The following PGF variants were observed in gnomAD, a reference collection of about 807,000 sequenced individuals.
The protein encoded by PGF is placenta growth factor.
In PGF, 11 loss-of-function variants were observed where a neutral mutation model predicts 25.3. That is an observed-to-expected ratio of 0.43 (90% CI 0.27 to 0.72). The LOEUF is 0.72. Among genes scored for constraint, PGF ranks in the 30% least tolerant of loss-of-function variants. PGF has a pLI of 0.18. For synonymous variants in PGF, 105 were observed against 97.9 expected (o/e 1.07, Z -0.43); for missense variants, 230 against 234.9 (o/e 0.98, Z 0.14).
At chr14:74,954,884 T>G (rs907102947) in intron 1 of PGF, among the ~76,000 whole-genome samples, 1 of 151,964 alleles carries the variant, frequency 6.6e-6, no homozygotes, top group Non-Finnish European at 1.5e-5. Flanking sequence ...GGACAGATGC[T>G]TTTAGCAAAG....
chr14:74,942,828 C>T, intron 6 of PGF, 95 bp from the exon 7 acceptor site: 1 of 1,231,338 alleles, frequency 8.1e-7, no homozygotes, highest in Non-Finnish European at 1.1e-6. Context: ...AGAGGAGGAG[C>T]TTGGGCAGGG....
rs775154085 is a variant in PGF at position 74,942,743 on chromosome 14, A to T, written c.486-10T>A. On this transcript the variant is annotated splice_polypyrimidine_tract_variant and intron_variant, in intron 6 of 6. Coordinates refer to ENST00000555567, the MANE Select transcript of PGF (RefSeq NM_002632.6). The stretch of plus-strand genomic sequence containing the variant: ...AACAGCATCGCCGCACCTGCCAGAG[A>T]CCAAGCACAGACGGGGCGGGTATCA... 6.2e-7 allele frequency: 1 copy of T among 1,608,628 alleles called. No homozygotes were observed. Among genetic ancestry groups the T allele is most frequent in the Admixed American group, 1.7e-5 (1 of 58,884 alleles).
In PGF at chr14:74,953,292, C is replaced by G. The variant is rs914342576; in HGVS notation, c.118+612G>C. Among the ~76,000 whole-genome samples, 2 of 152,168 alleles carry G rather than the reference C, an allele frequency of 1.3e-5. No homozygotes were observed. Among genetic ancestry groups the G allele is most frequent in the African/African-American group, 4.8e-5 (2 of 41,436 alleles). ...TCTTGGAGAGGCAGGGAGGGAGGAGCGAGGTAGGGGGCCTGGCATGGGCCT... is the reference window on the plus strand; with the variant it reads ...TCTTGGAGAGGCAGGGAGGGAGGAGGGAGGTAGGGGGCCTGGCATGGGCCT... On this transcript the variant is annotated intron_variant, in intron 2 of 6. Coordinates refer to ENST00000555567, the MANE Select transcript of PGF (RefSeq NM_002632.6). The surrounding 1 kb of genome is among the most constrained non-coding windows in gnomAD (Gnocchi z 5.4).
chr14:74,949,022 C>T (rs1888809192), intron 3 of PGF, among the ~76,000 whole-genome samples: 1 of 152,188 alleles, frequency 6.6e-6, no homozygotes, highest in South Asian at 2.1e-4. Flanking sequence ...TAAACCACTG[C>T]GTGTGTGACA....
At chr14:74,942,831 G>C (rs1188360823) in intron 6 of PGF, 98 bp from the exon 7 acceptor site, 7 of 1,192,848 alleles carry the variant, frequency 5.9e-6, no homozygotes, top group Non-Finnish European at 8.2e-6. Context: ...GGAGGAGCTT[G>C]GGCAGGGAGC....
intron 2 of PGF, among the ~76,000 whole-genome samples, chr14:74,952,744 C>T (rs1888900689): frequency 6.6e-6 from 1 of 152,184 alleles, no homozygotes; most frequent in Admixed American, 6.5e-5. Context: ...CACTTCCAGG[C>T]CTCCCCACCT....
chr14:74,954,002 T>C (rs1888928974), intron 1 of PGF, 56 bp from the exon 2 acceptor site: 12 of 1,575,522 alleles, frequency 7.6e-6, no homozygotes, highest in Middle Eastern at 1.7e-4. Flanking sequence ...TCTGCACTCT[T>C]GGGCCAAGTG....
intron 6 of PGF, among the ~76,000 whole-genome samples, chr14:74,943,946 A>G (rs919252496): frequency 5.3e-5 from 8 of 152,188 alleles, no homozygotes; most frequent in Admixed American, 5.2e-4. Flanking sequence ...AAGGTAATCA[A>G]TAAAAGACTT....
intron 6 of PGF, 193 bp downstream of exon 6, chr14:74,946,020 C>G: frequency 1.7e-6 from 1 of 593,862 alleles, no homozygotes. Flanking sequence ...AAACCTAGGG[C>G]TAAGCCGGGA....
At chr14:74,949,585 A>G (rs1398313929) in intron 2 of PGF, 32 bp from the exon 3 acceptor site, 2 of 1,482,936 alleles carry the variant, frequency 1.3e-6, no homozygotes, top group South Asian at 2.7e-5. Context: ...GGGTCAGGCC[A>G]GCAGAGACCT....
intron 4 of PGF, 76 bp from the exon 5 acceptor site, chr14:74,946,484 G>T (rs1888739315): frequency 1.4e-6 from 2 of 1,439,768 alleles, no homozygotes; most frequent in African/African-American, 1.4e-5. Context: ...GCCCGGACAG[G>T]TCCCCTCCGA....
intron 6 of PGF, chr14:74,944,839 A>G (rs1888690685): frequency 6.6e-6 from 1 of 150,890 alleles, no homozygotes; most frequent in Non-Finnish European, 1.5e-5. Flanking sequence ...TGAGGTACTG[A>G]GCCTGGCTTG....
chr14:74,944,745 A>G (rs4903271), intron 6 of PGF: 149,678 of 151,926 alleles, frequency 0.99, 73,737 homozygotes, highest in East Asian at 1. Flanking sequence ...ACGAGGTTTC[A>G]CCATGTTGCC....
chr14:74,952,715 A>G (rs1771417473), intron 2 of PGF, among the ~76,000 whole-genome samples: 1 of 151,734 alleles, frequency 6.6e-6, no homozygotes, highest in African/African-American at 2.4e-5. Context: ...GTGACAGGAG[A>G]GCTGACCTAA....
Position 74,955,118 on chromosome 14 carries a change from G to A in PGF, c.75+50C>T, listed in dbSNP as rs187938882. ...GATTTCAGAGTCCCATGCTTCCAGT[G>A]CTGGGATGGGGAGGTCTGGGGAGCC... On this transcript the variant is annotated intron_variant, in intron 1 of 6. Transcript: ENST00000555567. The surrounding 1 kb of genome is among the most constrained non-coding windows in gnomAD (Gnocchi z 4.1). 173 of 1,066,272 alleles carry A rather than the reference G, an allele frequency of 1.6e-4. No homozygotes were observed. In the East Asian group the frequency reaches 5.4e-3, roughly 33 times the overall value. 66.1% of individuals were successfully genotyped at this position (1,066,272 alleles called of 1,614,324 possible). A position where few individuals can be genotyped will look rare whatever the true frequency, so the allele number is the denominator to read the frequency against.
At chr14:74,949,304 G>T in intron 3 of PGF, 53 bp downstream of exon 3, 1 of 1,370,100 alleles carries the variant, frequency 7.3e-7, no homozygotes. Flanking sequence ...TCCCTCTCCA[G>T]GTACCTTCTA....
In PGF at chr14:74,949,379, T is replaced by C. The variant is rs146963622; in HGVS notation, c.293A>G (p.Glu98Gly). Residue 98 changes from glutamate to glycine, a missense_variant, in exon 3 of 7, where the codon GAG (glutamate) becomes GGG (glycine). Coordinates refer to ENST00000555567, the MANE Select transcript of PGF (RefSeq NM_002632.6). ...GDENLHCVPV[E>G]TANVTMQLLK... Reference sequence around the variant, plus strand: ...TACCTGCATGGTGACATTGGCCGTCTCCACCGGCACACAGTGCAGATTCTC... The same window carrying C: ...TACCTGCATGGTGACATTGGCCGTCCCCACCGGCACACAGTGCAGATTCTC... 5.1e-6 allele frequency: 8 copies of C among 1,580,488 alleles called. No homozygotes were observed. Among genetic ancestry groups the C allele is most frequent in the African/African-American group, 1.4e-5 (1 of 73,810 alleles).
chr14:74,949,408 G>T lies in PGF; in HGVS notation c.264C>A (p.Gly88=). 6.2e-7 allele frequency: 1 copy of T among 1,605,696 alleles called. No homozygotes were observed. Among genetic ancestry groups the T allele is most frequent in the Non-Finnish European group, 8.5e-7 (1 of 1,176,188 alleles). The change falls in exon 3 of 7, where the codon GGC becomes GGA. Residue 88 remains glycine, a synonymous_variant. Coordinates refer to ENST00000555567, the MANE Select transcript of PGF (RefSeq NM_002632.6). ...VSLLRCTGCC[G]DENLHCVPVE... ...CCGGCACACAGTGCAGATTCTCATCGCCGCAGCAGCCGGTGCAGCGCAGCA... is the reference window on the plus strand; with the variant it reads ...CCGGCACACAGTGCAGATTCTCATCTCCGCAGCAGCCGGTGCAGCGCAGCA...
At chr14:74,943,385 G>A (rs1184760348) in intron 6 of PGF, among the ~76,000 whole-genome samples, 5 of 152,224 alleles carry the variant, frequency 3.3e-5, no homozygotes, top group South Asian at 2.1e-4. Flanking sequence ...TGTAGGTCTT[G>A]AGAAAGAAAA....
Sources: gnomAD v4.1 joint callset for allele counts (sites outside exome capture counted in the v4.1 genomes callset) on GRCh38, gnomAD v4.1.1 for gene constraint, Gnocchi (gnomAD v3.1) non-coding constraint, MANE v1.5 for transcripts, NCBI Gene and HGNC (gene_info 2026-07-23, HGNC 2026-07-21) for gene names.